The following IGF1 variants were observed in gnomAD, a reference collection of about 807,000 sequenced individuals.
IGF1 encodes the protein insulin-like growth factor 1.
In IGF1, 4 loss-of-function variants were observed where a neutral mutation model predicts 13.8. The observed-to-expected ratio is 0.29, with a 90% CI of 0.14 to 0.66. IGF1 has a LOEUF of 0.66. Among genes scored for constraint, IGF1 ranks in the 30% least tolerant of loss-of-function variants. The probability of loss-of-function intolerance (pLI) is 0.78; values close to 1 mark genes in which losing one functional copy is unlikely to be tolerated. For synonymous variants in IGF1, 76 were observed against 72.6 expected (o/e 1.05, Z -0.23); for missense variants, 124 against 188.5 (o/e 0.66, Z 2.00).
chr12:102,449,310 C>T (rs542995643), intron 2 of IGF1, among the ~76,000 whole-genome samples: 235 of 151,792 alleles, frequency 1.5e-3, no homozygotes, highest in Middle Eastern at 3.4e-3. Flanking sequence ...AAACCAAACA[C>T]CACATTTTCT....
At chr12:102,439,378 C>T (rs1877512977) in intron 2 of IGF1, among the ~76,000 whole-genome samples, 1 of 152,000 alleles carries the variant, frequency 6.6e-6, no homozygotes, top group Non-Finnish European at 1.5e-5. Flanking sequence ...GGTAAAGAAA[C>T]ATTAGAAGGT....
At chr12:102,467,085 G>A (rs1880386774) in intron 2 of IGF1, among the ~76,000 whole-genome samples, 1 of 152,144 alleles carries the variant, frequency 6.6e-6, no homozygotes, top group Admixed American at 6.5e-5. Flanking sequence ...TTGGCTGCAT[G>A]TGGGTTGGCT....
rs757266945 is a variant in IGF1, at chr12:102,419,674, A to G, written c.237T>C (p.Tyr79=). 1.2e-6 allele frequency: 2 copies of G among 1,612,738 alleles called. No homozygotes were observed. Among genetic ancestry groups the G allele is most frequent in the African/African-American group, 2.7e-5 (2 of 75,056 alleles). Reference sequence around the variant, plus strand: ...GAGGCGCCCTCCGACTGCTGGAGCCATACCCTGTGGGCTTGTCTGCACAAA... The same window carrying G: ...GAGGCGCCCTCCGACTGCTGGAGCCGTACCCTGTGGGCTTGTCTGCACAAA... ...RGFYFNKPTG[Y]GSSSRRAPQT... The change falls in exon 3 of 4, where the codon TAT becomes TAC. Residue 79 remains tyrosine, a synonymous_variant. Coordinates refer to ENST00000337514, the MANE Select transcript of IGF1 (RefSeq NM_000618.5).
chr12:102,467,121 C>T (rs1880388711), intron 2 of IGF1, among the ~76,000 whole-genome samples: 1 of 152,098 alleles, frequency 6.6e-6, no homozygotes, highest in South Asian at 2.1e-4. Flanking sequence ...AAATCACTTG[C>T]CTCTGATGAA....
chr12:102,411,432 G>A (rs899484117), intron 3 of IGF1, among the ~76,000 whole-genome samples: 1 of 152,110 alleles, frequency 6.6e-6, no homozygotes, highest in African/African-American at 2.4e-5. Flanking sequence ...AGGGCTAGTT[G>A]GTCCTTGATT....
At chr12:102,441,927 T>TCTCCTTCTCCTTCTCCTTCTCCTTCTC in intron 2 of IGF1, among the ~76,000 whole-genome samples, 1 of 127,824 alleles carries the variant, frequency 7.8e-6, no homozygotes, top group Admixed American at 9.3e-5. Flanking sequence ...TTCTTCTTCT[T>TCTCCTTCTCCTTCTCCTTCTCCTTCTC]CTTCTTCTTC....
chr12:102,416,520 G>T (rs769728370), intron 3 of IGF1, among the ~76,000 whole-genome samples: 8 of 152,088 alleles, frequency 5.3e-5, no homozygotes, highest in Non-Finnish European at 8.8e-5. Flanking sequence ...ATGTGCTGTT[G>T]TCTCCTGGCC....
rs1873244464 is a variant in IGF1 at position 102,396,983 on chromosome 12, A to C, written c.*5524T>G. 2.5e-6 allele frequency: 1 copy of C among 396,254 alleles called. No homozygotes were observed. 24.5% of individuals were successfully genotyped at this position (396,254 alleles called of 1,614,324 possible). On this transcript the variant is annotated 3_prime_UTR_variant, in exon 4 of 4. Coordinates refer to ENST00000337514, the MANE Select transcript of IGF1 (RefSeq NM_000618.5). ...TTTGGGAGGCTGAGGCGGGCAAATC[A>C]CAAGGTCAGGAGTTTGAGACCAACC...
intron 2 of IGF1, among the ~76,000 whole-genome samples, chr12:102,436,551 G>A (rs1877236104): frequency 6.6e-6 from 1 of 152,084 alleles, no homozygotes; most frequent in African/African-American, 2.4e-5. Context: ...TGGGTTTGGG[G>A]CACCTTCAGT....
chr12:102,441,956 T>TCCTTCTCC, intron 2 of IGF1, among the ~76,000 whole-genome samples: 1 of 140,558 alleles, frequency 7.1e-6, no homozygotes, highest in Admixed American at 7.4e-5. Context: ...CTTCTTCTTC[T>TCCTTCTCC]TTTTTTTTTT....
Position 102,401,023 on chromosome 12 carries a change from G to A in IGF1, c.*1484C>T, listed in dbSNP as rs567749235. On this transcript the variant is annotated 3_prime_UTR_variant, in exon 4 of 4. Coordinates refer to ENST00000337514, the MANE Select transcript of IGF1 (RefSeq NM_000618.5). The stretch of plus-strand genomic sequence containing the variant: ...GGATAGCTTCACTGACAAGAACTGA[G>A]ATGTCAGGAGCATTCAATTCACCAA... 5 of 152,328 alleles carry A rather than the reference G, an allele frequency of 3.3e-5. No homozygotes were observed. The highest frequency in any genetic ancestry group is 3.9e-4 in the East Asian group (2 of 5,190). 9.4% of individuals were successfully genotyped at this position (152,328 alleles called of 1,614,324 possible). A position where few individuals can be genotyped will look rare whatever the true frequency, so the allele number is the denominator to read the frequency against.
chr12:102,442,493 C>T lies in IGF1; in HGVS notation c.221-22803G>A, dbSNP rs368825287. Among the ~76,000 whole-genome samples, 16 of 152,194 alleles carry T rather than the reference C, an allele frequency of 1.1e-4. 1 individual carries two copies. Among genetic ancestry groups the T allele is most frequent in the Admixed American group, 1.3e-4 (2 of 15,290 alleles). On this transcript the variant is annotated intron_variant, in intron 2 of 3. Coordinates refer to ENST00000337514, the MANE Select transcript of IGF1 (RefSeq NM_000618.5). ...ACTTTAGTTTGCTTGGCCTGATAAA[C>T]AGAGTGAAGTGAAAAGGCATGCTCT...
At chr12:102,422,299 A>T (rs533579413) in intron 2 of IGF1, among the ~76,000 whole-genome samples, 1 of 152,350 alleles carries the variant, frequency 6.6e-6, no homozygotes, top group South Asian at 2.1e-4. Flanking sequence ...ATTACCAATT[A>T]TCTCTAGCTA....
At chr12:102,475,472 C>G (rs901970848) in intron 2 of IGF1, among the ~76,000 whole-genome samples, 171 bp downstream of exon 2, 8 of 151,990 alleles carry the variant, frequency 5.3e-5, no homozygotes, top group African/African-American at 1.9e-4. Flanking sequence ...CAAAACCTGC[C>G]AAAGTCCCGC....
At chr12:102,438,231 C>A (rs141817872) in intron 2 of IGF1, among the ~76,000 whole-genome samples, 100 of 152,268 alleles carry the variant, frequency 6.6e-4, no homozygotes, top group Admixed American at 3.1e-3. Context: ...CCTTCCTCTG[C>A]GGTCTTCTTT....
chr12:102,418,119 G>A, intron 3 of IGF1: 1 of 1,083,018 alleles, frequency 9.2e-7, no homozygotes, highest in Non-Finnish European at 1.3e-6. Context: ...TCATGCTGGA[G>A]AGGGGTCTAG....
chr12:102,428,268 G>C (rs1876413471), intron 2 of IGF1, among the ~76,000 whole-genome samples: 1 of 52,576 alleles, frequency 1.9e-5, no homozygotes, highest in Admixed American at 2.4e-4. Flanking sequence ...AATGTTTCTA[G>C]CTAATAATAG....
intron 2 of IGF1, among the ~76,000 whole-genome samples, chr12:102,453,076 C>T (rs911976631): frequency 2.0e-5 from 3 of 152,192 alleles, no homozygotes; most frequent in African/African-American, 4.8e-5. Flanking sequence ...GGAGTCTTCT[C>T]AGAAATCCTG....
At chr12:102,433,474 C>T (rs1417095525) in intron 2 of IGF1, among the ~76,000 whole-genome samples, 1 of 152,156 alleles carries the variant, frequency 6.6e-6, no homozygotes, top group African/African-American at 2.4e-5. Context: ...CTTCAGGCCC[C>T]CATGAGAATT....
Sources: gnomAD v4.1 joint callset for allele counts (sites outside exome capture counted in the v4.1 genomes callset) on GRCh38, gnomAD v4.1.1 for gene constraint, MANE v1.5 for transcripts, NCBI Gene and HGNC (gene_info 2026-07-23, HGNC 2026-07-21) for gene names.